Variants in WDR41 observed in about 807,000 individuals in gnomAD.
The protein encoded by WDR41 is WD repeat-containing protein 41.
Under a neutral mutation model 69.3 loss-of-function variants are expected in WDR41, and 63 were observed. That is an observed-to-expected ratio of 0.91 (90% CI 0.74 to 1.12). The LOEUF (loss-of-function observed/expected upper bound fraction) is 1.12. WDR41 is among the 50% of genes most tolerant of loss of function. WDR41 has a pLI of 0.00. For synonymous variants in WDR41, 185 were observed against 192.1 expected, an observed-to-expected ratio of 0.96 and a Z score of 0.31; for missense variants, 543 against 534.5, an observed-to-expected ratio of 1.02 and a Z score of -0.16.
chr5:77,603,977 C>G (rs933107908), intron 1 of WDR41, among the ~76,000 whole-genome samples: 2 of 152,140 alleles, frequency 1.3e-5, no homozygotes, highest in African/African-American at 4.8e-5. Context: ...ATTAATAGAG[C>G]TTTGCAATAT....
intron 1 of WDR41, among the ~76,000 whole-genome samples, chr5:77,561,520 T>A (rs1743523986): frequency 1.3e-5 from 2 of 152,174 alleles, no homozygotes; most frequent in Non-Finnish European, 2.9e-5. Context: ...GTTTCTATTA[T>A]TAGAAATCTT....
intron 5 of WDR41, 80 bp from the exon 6 acceptor site, chr5:77,454,008 G>A: frequency 9.2e-7 from 1 of 1,082,358 alleles, no homozygotes; most frequent in Non-Finnish European, 1.4e-6. Flanking sequence ...ATATCCACAA[G>A]TTCTTTAACC....
At chr5:77,513,646 G>T (rs902188272) in intron 1 of WDR41, among the ~76,000 whole-genome samples, 6 of 152,144 alleles carry the variant, frequency 3.9e-5, no homozygotes, top group Non-Finnish European at 7.4e-5. Flanking sequence ...CCCTTTAAAA[G>T]GGCTAGTATA....
chr5:77,526,137 A>C (rs1802442952), intron 1 of WDR41, among the ~76,000 whole-genome samples: 1 of 152,208 alleles, frequency 6.6e-6, no homozygotes, highest in Non-Finnish European at 1.5e-5. Context: ...AGACATTCTC[A>C]TACTACCTAT....
intron 1 of WDR41, among the ~76,000 whole-genome samples, chr5:77,595,771 A>G (rs1327665842): frequency 6.6e-6 from 1 of 152,318 alleles, no homozygotes; most frequent in African/African-American, 2.4e-5. Context: ...GTAATTTCAC[A>G]TCTGTTACTA....
At position 77,615,613 on chromosome 5, in the gene WDR41, G is replaced by C. The variant is rs77830831; in HGVS notation, c.42+4866C>G. On this transcript the variant is annotated intron_variant, in intron 1 of 5. Transcript: ENST00000509971. ...AACCAAGGCAATAATGAGTTTGTGTGATTTTCCAATATTGCCAGCAACTAA... is the reference window on the plus strand; with the variant it reads ...AACCAAGGCAATAATGAGTTTGTGTCATTTTCCAATATTGCCAGCAACTAA... Among the ~76,000 whole-genome samples, 216 of 138,186 alleles carry C rather than the reference G, an allele frequency of 1.6e-3. 1 individual carries two copies. The highest frequency in any genetic ancestry group is 5.5e-3 in the African/African-American group (204 of 37,204). The allele number at this position is 138,186 out of a possible 152,430, so 90.7% of individuals were successfully genotyped here.
intron 1 of WDR41, among the ~76,000 whole-genome samples, chr5:77,614,660 A>AG (rs70988696): frequency 1.3e-4 from 2 of 15,880 alleles, no homozygotes; most frequent in Non-Finnish European, 2.4e-4. Flanking sequence ...GTGGGGGGGG[A>AG]GGGGGGAGGG....
chr5:77,503,658 G>A (rs868805744), intron 1 of WDR41, among the ~76,000 whole-genome samples: 3 of 152,080 alleles, frequency 2.0e-5, no homozygotes, highest in Non-Finnish European at 4.4e-5. Context: ...TAAGAGAACA[G>A]AAATCTCAAA....
intron 1 of WDR41, among the ~76,000 whole-genome samples, chr5:77,522,867 A>G (rs1244807689): frequency 1.3e-5 from 2 of 152,188 alleles, no homozygotes; most frequent in African/African-American, 4.8e-5. Flanking sequence ...TTCAGTAAAA[A>G]CAACACGGGA....
rs187714538 is a variant in WDR41 at position 77,459,465 on chromosome 5, A to G, written c.349-341T>C. On this transcript the variant is annotated intron_variant, in intron 4 of 12. Transcript: ENST00000296679. ...CAGAATAGCCCACCATAATCTAATA[A>G]GCATAAAGTACTTATACCAAAAACT... Among the ~76,000 whole-genome samples the G allele has an allele frequency of 6.6e-5, 10 of 152,282 alleles. No homozygotes were observed. In the East Asian group the frequency reaches 1.9e-3, roughly 29 times the overall value.
chr5:77,548,677 G>A (rs1035395319), intron 1 of WDR41, among the ~76,000 whole-genome samples: 2 of 152,212 alleles, frequency 1.3e-5, no homozygotes, highest in Non-Finnish European at 2.9e-5. Flanking sequence ...TATGCTGCTG[G>A]TGGGAATGTA....
At chr5:77,565,335 T>C (rs569758197) in intron 1 of WDR41, among the ~76,000 whole-genome samples, 70 of 152,334 alleles carry the variant, frequency 4.6e-4, no homozygotes, top group African/African-American at 1.7e-3. Flanking sequence ...TTAAGCTGAA[T>C]GCCCTTTGCC....
intron 11 of WDR41, 132 bp downstream of exon 11, chr5:77,437,204 T>C (rs758134918): frequency 5.4e-5 from 40 of 741,502 alleles, no homozygotes; most frequent in Non-Finnish European, 8.5e-5. Flanking sequence ...CCATATGCTT[T>C]CTATAAACAT....
chr5:77,545,422 G>T (rs1743174960), intron 1 of WDR41: 2 of 178,054 alleles, frequency 1.1e-5, no homozygotes, highest in South Asian at 1.2e-4. Context: ...CACGGGGACA[G>T]GTCGGGCCGG....
chr5:77,483,392 G>A lies in WDR41; in HGVS notation c.167+6065C>T, dbSNP rs182094831. 2.8e-3 allele frequency among the ~76,000 whole-genome samples: 429 copies of A among 151,948 alleles called. 4 individuals carry two copies. The highest frequency in any genetic ancestry group is 0.01 in the African/African-American group (418 of 41,448). On this transcript the variant is annotated intron_variant, in intron 2 of 12. Coordinates refer to ENST00000296679, the MANE Select transcript of WDR41 (RefSeq NM_018268.4). ...GAGCTCAAGGAATCCTCCCATCTCAGCCTCCCAAAGTGTTAGGATTACAGG... is the reference window on the plus strand; with the variant it reads ...GAGCTCAAGGAATCCTCCCATCTCAACCTCCCAAAGTGTTAGGATTACAGG...
At chr5:77,589,435 C>A (rs1050139956) in intron 1 of WDR41, among the ~76,000 whole-genome samples, 1 of 151,946 alleles carries the variant, frequency 6.6e-6, no homozygotes, top group Admixed American at 6.6e-5. Context: ...AAGAAAAAAC[C>A]GGCTTGGATT....
At chr5:77,501,918 G>T (rs1561207995) in intron 1 of WDR41, among the ~76,000 whole-genome samples, 1 of 152,196 alleles carries the variant, frequency 6.6e-6, no homozygotes, top group Non-Finnish European at 1.5e-5. Flanking sequence ...CAAAGATGGA[G>T]AGAAATCAGA....
chr5:77,620,417 C>G (rs1369415078), intron 1 of WDR41: 1 of 455,562 alleles, frequency 2.2e-6, no homozygotes, highest in East Asian at 6.9e-5. Context: ...AGATAAGGTC[C>G]TATGACCCTG....
intron 1 of WDR41, among the ~76,000 whole-genome samples, chr5:77,563,094 G>A (rs994071107): frequency 1.3e-5 from 2 of 151,976 alleles, no homozygotes; most frequent in African/African-American, 4.8e-5. Flanking sequence ...CTCAATACAT[G>A]TTTGTTGAAT....
Sources: gnomAD v4.1 joint callset for allele counts (sites outside exome capture counted in the v4.1 genomes callset) on GRCh38, gnomAD v4.1.1 for gene constraint, MANE v1.5 for transcripts, NCBI Gene and HGNC (gene_info 2026-07-23, HGNC 2026-07-21) for gene names.